Variants in LYPD6 observed in about 807,000 individuals in gnomAD.
LYPD6 encodes the protein LY6/PLAUR domain containing 6.
A neutral mutation model predicts 22.7 loss-of-function variants in LYPD6; 15 were observed. The observed-to-expected ratio is 0.66, with a 90% CI of 0.44 to 1.02. LYPD6 has a LOEUF of 1.02. Ranked by LOEUF, LYPD6 falls within the 50% of genes least tolerant of loss-of-function variation. LYPD6 has a pLI of 0.00. For missense variants in LYPD6, 189 were observed against 208.4 expected, an observed-to-expected ratio of 0.91 and a Z score of 0.57; for synonymous variants, 72 against 77.5, an observed-to-expected ratio of 0.93 and a Z score of 0.37.
intron 1 of LYPD6, among the ~76,000 whole-genome samples, chr2:149,409,823 C>T (rs1682813994): frequency 6.6e-6 from 1 of 152,088 alleles, no homozygotes; most frequent in East Asian, 1.9e-4. Context: ...GGGCTCACTA[C>T]CAGGGCTGAG....
downstream of LYPD6, among the ~76,000 whole-genome samples, chr2:149,476,967 A>C (rs533400615): frequency 8.5e-5 from 13 of 152,282 alleles, no homozygotes; most frequent in South Asian, 2.7e-3. Context: ...GGGGAGAGGG[A>C]TCATGCTTGA....
chr2:149,399,137 A>G (rs1289232298), intron 1 of LYPD6, among the ~76,000 whole-genome samples: 1 of 152,180 alleles, frequency 6.6e-6, no homozygotes, highest in Non-Finnish European at 1.5e-5. Flanking sequence ...CCAGGGTGGA[A>G]ATTTCCTGTT....
At chr2:149,419,829 G>GGTGTGTGTGT (rs61066659) in intron 1 of LYPD6, among the ~76,000 whole-genome samples, 1 of 149,822 alleles carries the variant, frequency 6.7e-6, no homozygotes, top group Non-Finnish European at 1.5e-5. Context: ...ATGTGCTCAG[G>GGTGTGTGTGT]GTGTGTGTGT....
chr2:149,382,105 A>G (rs1228097615), intron 1 of LYPD6, among the ~76,000 whole-genome samples: 1 of 152,212 alleles, frequency 6.6e-6, no homozygotes, highest in East Asian at 1.9e-4. Context: ...GTCCTTGCAG[A>G]GCTTAAAAAT....
rs556900670 is a variant in LYPD6, at chr2:149,418,926, T to C, written c.-71-18712T>C. Among the ~76,000 whole-genome samples the C allele has an allele frequency of 6.6e-5, 10 of 152,340 alleles. No individual in the cohort carries two copies. The South Asian group carries it at 1.9e-3, about 28-fold the overall frequency. ...TATCTTCTAACTGGCTGAAGACTTT[T>C]AAAACCTGGCATATGAAACCAGGCT... is the stretch of plus-strand genomic sequence containing the variant. On this transcript the variant is annotated intron_variant, in intron 1 of 4. Coordinates refer to ENST00000334166, the MANE Select transcript of LYPD6 (RefSeq NM_194317.5).
At chr2:149,416,864 G>A (rs1263370874) in intron 1 of LYPD6, among the ~76,000 whole-genome samples, 1 of 152,222 alleles carries the variant, frequency 6.6e-6, no homozygotes, top group Non-Finnish European at 1.5e-5. Context: ...CAGTTCTAGT[G>A]TTCTGTGAGG....
intron 3 of LYPD6, among the ~76,000 whole-genome samples, chr2:149,466,191 A>T (rs1308923506): frequency 6.6e-6 from 1 of 152,202 alleles, no homozygotes; most frequent in Admixed American, 6.5e-5. Flanking sequence ...TTTGGAGATC[A>T]TGAGATCACA....
chr2:149,351,554 A>G (rs1413334804), intron 1 of LYPD6, among the ~76,000 whole-genome samples: 1 of 152,110 alleles, frequency 6.6e-6, no homozygotes, highest in Non-Finnish European at 1.5e-5. Flanking sequence ...CAAATTTCAT[A>G]CCTGGAGGAA....
chr2:149,334,883 G>A (rs1023782503), intron 1 of LYPD6, among the ~76,000 whole-genome samples: 2 of 151,988 alleles, frequency 1.3e-5, no homozygotes, highest in Non-Finnish European at 2.9e-5. Flanking sequence ...GGTCCCATAC[G>A]AGTATAGTGG....
intron 3 of LYPD6, among the ~76,000 whole-genome samples, chr2:149,455,044 G>A (rs1297694854): frequency 3.9e-5 from 6 of 152,024 alleles, no homozygotes; most frequent in African/African-American, 1.2e-4. Context: ...GGGAGAACAG[G>A]TATAGAATGT....
At chr2:149,430,613 G>T (rs977209509) in intron 1 of LYPD6, among the ~76,000 whole-genome samples, 17 of 152,128 alleles carry the variant, frequency 1.1e-4, no homozygotes, top group Admixed American at 1.1e-3. Context: ...TGAGGCTTCA[G>T]AATTCCATTC....
Position 149,449,091 on chromosome 2 carries a change from A to G in LYPD6, c.161A>G (p.Lys54Arg). The G allele has an allele frequency of 6.2e-7, 1 of 1,613,622 alleles. No individual in the cohort carries two copies. ...GGATTTAAATGTTTCACCTGTGAAA[A>G]GGCAGCAGACAATTATGAGTGCAAC... is the stretch of plus-strand genomic sequence containing the variant. ...PGGFKCFTCE[K>R]AADNYECNRW... The change falls in exon 3 of 5, where the codon AAG (lysine) becomes AGG (arginine). Residue 54 changes from lysine (K) to arginine (R), a missense_variant. Lys to Arg is a conservative substitution (Grantham distance 26, BLOSUM62 2). Coordinates refer to ENST00000334166, the MANE Select transcript of LYPD6 (RefSeq NM_194317.5).
At chr2:149,352,348 C>T (rs187448921) in intron 1 of LYPD6, among the ~76,000 whole-genome samples, 163 of 152,058 alleles carry the variant, frequency 1.1e-3, no homozygotes, top group African/African-American at 3.8e-3. Context: ...TTTTTGAAGG[C>T]CTATTTATGT....
downstream of LYPD6, among the ~76,000 whole-genome samples, chr2:149,478,051 C>T (rs987371097): frequency 3.3e-5 from 5 of 152,072 alleles, no homozygotes; most frequent in Admixed American, 2.0e-4. Flanking sequence ...GGTTGTAGCC[C>T]TTCCAGTCTG....
chr2:149,454,884 GC>G (rs1203022338), intron 3 of LYPD6, among the ~76,000 whole-genome samples: 2 of 152,180 alleles, frequency 1.3e-5, no homozygotes, highest in African/African-American at 2.4e-5. Flanking sequence ...TCCTGCGGCT[GC>G]CCTGCTAGCT....
chr2:149,367,177 G>A (rs1573745317), intron 1 of LYPD6, among the ~76,000 whole-genome samples: 1 of 152,140 alleles, frequency 6.6e-6, no homozygotes, highest in Admixed American at 6.5e-5. Context: ...GGTGGGTCCT[G>A]TGCTTCAGGG....
At position 149,470,943 on chromosome 2, in the gene LYPD6, T is replaced by C. The variant is rs1681321481; in HGVS notation, c.*93T>C. On this transcript the variant is annotated 3_prime_UTR_variant, in exon 5 of 5. Coordinates refer to ENST00000334166, the MANE Select transcript of LYPD6 (RefSeq NM_194317.5). The stretch of plus-strand genomic sequence containing the variant: ...TCATTGGCCTGACAGTAATTACACA[T>C]GTGAGACACAACACTCTTGGAGGTC... 21 of 1,157,904 alleles carry C rather than the reference T, an allele frequency of 1.8e-5. No individual in the cohort carries two copies. In the South Asian group the frequency reaches 2.7e-4, roughly 15 times the overall value. 71.7% of individuals were successfully genotyped at this position (1,157,904 alleles called of 1,614,324 possible).
chr2:149,435,929 G>A (rs890085102), intron 1 of LYPD6, among the ~76,000 whole-genome samples: 1 of 152,114 alleles, frequency 6.6e-6, no homozygotes, highest in African/African-American at 2.4e-5. Flanking sequence ...AGCATGTTAT[G>A]CATTTTATGG....
intron 1 of LYPD6, among the ~76,000 whole-genome samples, chr2:149,428,940 G>A (rs1334998672): frequency 6.6e-6 from 1 of 152,122 alleles, no homozygotes; most frequent in African/African-American, 2.4e-5. Context: ...ATTCACCAGA[G>A]CAACCTTTAG....
Sources: gnomAD v4.1 joint callset for allele counts (sites outside exome capture counted in the v4.1 genomes callset) on GRCh38, gnomAD v4.1.1 for gene constraint, MANE v1.5 for transcripts, NCBI Gene and HGNC (gene_info 2026-07-23, HGNC 2026-07-21) for gene names.